The following RASGRF2 variants were observed in gnomAD, a reference collection of about 807,000 sequenced individuals.
RASGRF2 encodes ras-specific guanine nucleotide-releasing factor 2.
RASGRF2 carries 76 observed loss-of-function variants against 151.0 expected under a neutral mutation model. The observed-to-expected ratio is 0.50, with a 90% CI of 0.42 to 0.61. The LOEUF (loss-of-function observed/expected upper bound fraction) is 0.61, where lower values mean the gene tolerates loss of function less well. RASGRF2 is among the 20% of genes least tolerant of loss of function. The pLI is 0.00. For synonymous variants in RASGRF2, 504 were observed against 566.5 expected (o/e 0.89, Z 1.57); for missense variants, 1,148 against 1,564.6 (o/e 0.73, Z 4.49).
chr5:81,201,202 C>G, intron 18 of RASGRF2, 128 bp from the exon 19 acceptor site: 2 of 1,380,756 alleles, frequency 1.4e-6, no homozygotes, highest in Non-Finnish European at 1.9e-6. Flanking sequence ...TGGCAGGGAA[C>G]TCTAGGGTCC....
intron 17 of RASGRF2, among the ~76,000 whole-genome samples, chr5:81,143,440 A>C (rs900834491): frequency 2.6e-5 from 4 of 152,034 alleles, no homozygotes; most frequent in Non-Finnish European, 5.9e-5. Flanking sequence ...GAGCCAACAC[A>C]CCTGGCCTGA....
chr5:81,122,415 C>T (rs891272261), intron 15 of RASGRF2, among the ~76,000 whole-genome samples: 1 of 152,118 alleles, frequency 6.6e-6, no homozygotes, highest in African/African-American at 2.4e-5. Context: ...TGCATCGTTG[C>T]CAGCTTTACT....
intron 2 of RASGRF2, 67 bp downstream of exon 2, chr5:81,043,050 G>T: frequency 7.9e-7 from 1 of 1,260,604 alleles, no homozygotes; most frequent in Non-Finnish European, 1.1e-6. Flanking sequence ...ATCACTGTTG[G>T]TGGTAGTTTT....
chr5:81,090,120 G>C (rs1443427150), intron 9 of RASGRF2, among the ~76,000 whole-genome samples: 1 of 152,190 alleles, frequency 6.6e-6, no homozygotes, highest in African/African-American at 2.4e-5. Flanking sequence ...TAGACTCTAA[G>C]TCATGCGCTT....
rs950698620 is a variant in RASGRF2 at position 81,068,275 on chromosome 5, C to T, written c.543+96C>T. 10 of 1,403,478 alleles carry T rather than the reference C, an allele frequency of 7.1e-6. No homozygotes were observed. In the African/African-American group the frequency reaches 1.4e-4, roughly 20 times the overall value. The allele number at this position is 1,403,478 out of a possible 1,614,324, so 86.9% of individuals were successfully genotyped here. On this transcript the variant is annotated intron_variant, in intron 3 of 26. Transcript: ENST00000265080. ...CCTATTCAGGGCAACATTTTAATCC[C>T]AGGCTGACTTCCTCTGACATCAACA...
chr5:81,188,899 G>A (rs1755094331), intron 18 of RASGRF2, among the ~76,000 whole-genome samples: 1 of 152,218 alleles, frequency 6.6e-6, no homozygotes, highest in Admixed American at 6.5e-5. Flanking sequence ...TTGAGATGCA[G>A]ACCGCTCAAA....
intron 25 of RASGRF2, among the ~76,000 whole-genome samples, chr5:81,217,924 A>C (rs1019616294): frequency 2.0e-5 from 3 of 151,956 alleles, no homozygotes; most frequent in Non-Finnish European, 4.4e-5. Context: ...TTGTATTTTT[A>C]GTAGAGACGG....
chr5:81,046,523 C>T (rs552342135), intron 2 of RASGRF2, among the ~76,000 whole-genome samples: 2 of 152,184 alleles, frequency 1.3e-5, no homozygotes, highest in East Asian at 1.9e-4. Flanking sequence ...TATCATTTTA[C>T]CACATGTTAT....
At chr5:81,095,774 A>G (rs1372640235) in intron 12 of RASGRF2, among the ~76,000 whole-genome samples, 1 of 152,192 alleles carries the variant, frequency 6.6e-6, no homozygotes, top group South Asian at 2.1e-4. Flanking sequence ...GCTTATAGTA[A>G]TTTATATATA....
At chr5:81,005,550 A>G (rs1427432479) in intron 1 of RASGRF2, among the ~76,000 whole-genome samples, 1 of 152,110 alleles carries the variant, frequency 6.6e-6, no homozygotes, top group Non-Finnish European at 1.5e-5. Context: ...AGATTTATTC[A>G]TATTGTAGCA....
At position 81,193,506 on chromosome 5, in the gene RASGRF2, T is replaced by G. The variant is rs1204772957; in HGVS notation, c.2794-7824T>G. The stretch of plus-strand genomic sequence containing the variant: ...GCCACTAAGTCACTGATAGCTGCTT[T>G]TTTCTTTTTTTCTTTTTCTTTTTTT... On this transcript the variant is annotated intron_variant, in intron 18 of 26. Transcript: ENST00000265080. Among the ~76,000 whole-genome samples the G allele has an allele frequency of 2.6e-5, 4 of 152,086 alleles. No homozygotes were observed. The East Asian group carries it at 7.7e-4, about 29-fold the overall frequency.
rs367735189 is a variant in RASGRF2, at chr5:81,042,753, A to G, written c.289-124A>G. 1.2e-4 allele frequency: 79 copies of G among 661,544 alleles called. 2 individuals carry two copies. In the Middle Eastern group the frequency reaches 3.1e-3, roughly 26 times the overall value. 41.0% of individuals were successfully genotyped at this position (661,544 alleles called of 1,614,324 possible). ...CCAGAGTGAAATGTTACATTTTGAAATAAAATTTGCATAAGCACTGATGCA... is the reference window on the plus strand; with the variant it reads ...CCAGAGTGAAATGTTACATTTTGAAGTAAAATTTGCATAAGCACTGATGCA... On this transcript the variant is annotated intron_variant, in intron 1 of 26. Coordinates refer to ENST00000265080, the MANE Select transcript of RASGRF2 (RefSeq NM_006909.3).
chr5:81,166,521 C>T (rs1032017339), intron 17 of RASGRF2, among the ~76,000 whole-genome samples: 3 of 152,172 alleles, frequency 2.0e-5, no homozygotes, highest in African/African-American at 7.2e-5. Context: ...AAGCCCTTGT[C>T]TGCTTACAGA....
At position 81,112,694 on chromosome 5, in the gene RASGRF2, T is replaced by C. The variant is rs2112543516; in HGVS notation, c.1923T>C (p.Tyr641=). 1.2e-6 allele frequency: 2 copies of C among 1,614,220 alleles called. No homozygotes were observed. The highest frequency in any genetic ancestry group is 1.3e-5 in the African/African-American group (1 of 75,066). The stretch of plus-strand genomic sequence containing the variant: ...CCTGCAAAGTGCCCCAGATCCGTTA[T>C]GCCAGCGTGGAGCGCCTCTTGGAAC... The part of the protein sequence containing the change: ...LNSCKVPQIR[Y]ASVERLLERL... The change falls in exon 14 of 27, where the codon TAT becomes TAC. Residue 641 remains tyrosine, a synonymous_variant. Transcript: ENST00000265080.
At chr5:80,969,005 A>T (rs2112211762) in intron 1 of RASGRF2, among the ~76,000 whole-genome samples, 1 of 151,794 alleles carries the variant, frequency 6.6e-6, no homozygotes, top group South Asian at 2.1e-4. Flanking sequence ...CATAACCATG[A>T]TCATGGTGTA....
At chr5:81,146,896 C>G (rs1208652666) in intron 17 of RASGRF2, among the ~76,000 whole-genome samples, 1 of 152,124 alleles carries the variant, frequency 6.6e-6, no homozygotes, top group Non-Finnish European at 1.5e-5. Context: ...TTTTAAAAAT[C>G]TTCAATTGGT....
chr5:81,085,056 C>T (rs1290413636), intron 7 of RASGRF2, among the ~76,000 whole-genome samples: 1 of 152,222 alleles, frequency 6.6e-6, no homozygotes, highest in Non-Finnish European at 1.5e-5. Flanking sequence ...GGACTGGACA[C>T]ATTGGCAAAG....
At chr5:81,091,609 C>T (rs1752390960) in intron 9 of RASGRF2, among the ~76,000 whole-genome samples, 1 of 152,060 alleles carries the variant, frequency 6.6e-6, no homozygotes, top group Non-Finnish European at 1.5e-5. Context: ...AAAGTAGATG[C>T]AATTTGCAAC....
chr5:81,044,905 TAGA>T (rs1464102413), intron 2 of RASGRF2, among the ~76,000 whole-genome samples: 2 of 152,100 alleles, frequency 1.3e-5, no homozygotes, highest in Non-Finnish European at 2.9e-5. Context: ...GGGTTGAGAG[TAGA>T]AGATGTTATT....
Sources: gnomAD v4.1 joint callset for allele counts (sites outside exome capture counted in the v4.1 genomes callset) on GRCh38, gnomAD v4.1.1 for gene constraint, MANE v1.5 for transcripts, NCBI Gene and HGNC (gene_info 2026-07-23, HGNC 2026-07-21) for gene names.